OVCH1: variants seen among roughly 807,000 people sequenced by gnomAD.
OVCH1 encodes the protein ovochymase-1.
Under a neutral mutation model 138.4 loss-of-function variants are expected in OVCH1, and 139 were observed. The observed-to-expected ratio is 1.00, with a 90% CI of 0.87 to 1.16. The LOEUF (loss-of-function observed/expected upper bound fraction) is 1.16. Ranked by LOEUF, OVCH1 falls within the 50% of genes most tolerant of loss-of-function variation. The pLI is 0.00. For synonymous variants in OVCH1, 453 were observed against 467.8 expected (o/e 0.97, Z 0.41); for missense variants, 1,367 against 1,357.9 (o/e 1.01, Z -0.11).
At chr12:29,421,484 T>C (rs929256694) in intron 3 of OVCH1, among the ~76,000 whole-genome samples, 2 of 152,184 alleles carry the variant, frequency 1.3e-5, no homozygotes, top group African/African-American at 4.8e-5. Context: ...AATATTAATA[T>C]ATGCATCTTT....
intron 21 of OVCH1, among the ~76,000 whole-genome samples, chr12:29,453,325 G>A (rs1025781438): frequency 2.0e-5 from 3 of 152,000 alleles, no homozygotes; most frequent in South Asian, 2.1e-4. Context: ...AGATTTTAGC[G>A]GTCATTTTCT....
At position 29,428,331 on chromosome 12, in the gene OVCH1, C is replaced by A. The variant is rs571695128; in HGVS notation, c.3328-683G>T. On this transcript the variant is annotated intron_variant, in intron 27 of 27. Transcript: ENST00000318184. ...AGAACAAAGTCCATTTCCTTAGACC[C>A]TCTCCAAAATTACCCAAAGCTCTAC... Among the ~76,000 whole-genome samples, 14 of 152,280 alleles carry A rather than the reference C, an allele frequency of 9.2e-5. No individual in the cohort carries two copies. The South Asian group carries it at 2.9e-3, about 32-fold the overall frequency.
intron 8 of OVCH1, among the ~76,000 whole-genome samples, chr12:29,483,586 G>T (rs1040249156): frequency 1.3e-4 from 20 of 151,982 alleles, no homozygotes; most frequent in African/African-American, 4.1e-4. Context: ...ATTAAGTCCC[G>T]ATCATCCTTT....
intron 25 of OVCH1, among the ~76,000 whole-genome samples, chr12:29,441,483 A>C (rs537806105): frequency 2.0e-4 from 30 of 152,336 alleles, no homozygotes; most frequent in African/African-American, 7.0e-4. Context: ...GATGGATTAA[A>C]GACTTACATG....
intron 19 of OVCH1, among the ~76,000 whole-genome samples, chr12:29,455,648 G>T (rs538327275): frequency 1.3e-5 from 2 of 152,230 alleles, no homozygotes; most frequent in African/African-American, 4.8e-5. Context: ...CACATAAAAA[G>T]AAAACAATTA....
the OVCH1 span, among the ~76,000 whole-genome samples, chr12:29,406,454 T>A: frequency 6.6e-6 from 1 of 152,114 alleles, no homozygotes; most frequent in African/African-American, 2.4e-5. Flanking sequence ...ATGCTATCCC[T>A]CCCCTCCAAC....
intron 19 of OVCH1, among the ~76,000 whole-genome samples, chr12:29,457,040 T>C (rs1192431607): frequency 6.6e-6 from 1 of 152,202 alleles, no homozygotes; most frequent in Non-Finnish European, 1.5e-5. Context: ...AAATATCTAC[T>C]TTATATAAAG....
At chr12:29,405,660 T>C in the OVCH1 span, among the ~76,000 whole-genome samples, 2 of 152,232 alleles carry the variant, frequency 1.3e-5, no homozygotes, top group Non-Finnish European at 2.9e-5. Flanking sequence ...CTATTTTGTA[T>C]GGATTCTTTT....
chr12:29,471,790 A>G lies in OVCH1; in HGVS notation c.1856+12T>C. On this transcript the variant is annotated intron_variant, in intron 16 of 27. Coordinates refer to ENST00000318184, the Ensembl canonical transcript of OVCH1. ...GTGCTAAATAGGTTGGTAAAATACC[A>G]GTTTCACTCACAATTGCACACAGTG... 1 of 1,600,896 alleles carries G rather than the reference A, an allele frequency of 6.2e-7. No individual in the cohort carries two copies. Among genetic ancestry groups the G allele is most frequent in the Non-Finnish European group, 8.5e-7 (1 of 1,173,546 alleles).
At chr12:29,460,632 G>A (rs942931883) in intron 19 of OVCH1, among the ~76,000 whole-genome samples, 1 of 151,814 alleles carries the variant, frequency 6.6e-6, no homozygotes, top group East Asian at 1.9e-4. Context: ...CAGCTCCCTC[G>A]CTCCTCAGAT....
chr12:29,491,137 T>C, exon 5 of OVCH1: 1 of 1,613,812 alleles, frequency 6.2e-7, no homozygotes, highest in East Asian at 2.2e-5. Context: ...AGCAAAGAAT[T>C]CCTGGTTCAA....
intron 18 of OVCH1, 167 bp downstream of exon 18, chr12:29,464,340 T>G: frequency 1.2e-6 from 1 of 815,108 alleles, no homozygotes; most frequent in Non-Finnish European, 2.0e-6. Flanking sequence ...AAGTTTTAAA[T>G]AGCTCATTCT....
chr12:29,487,765 C>T (rs752156710), exon 7 of OVCH1: 2 of 1,607,012 alleles, frequency 1.2e-6, no homozygotes, highest in Non-Finnish European at 8.5e-7. Flanking sequence ...GATGCCTTCA[C>T]ATGGTTGTTT....
At chr12:29,432,316 ATAT>A (rs1189472643) in intron 27 of OVCH1, among the ~76,000 whole-genome samples, 2 of 152,214 alleles carry the variant, frequency 1.3e-5, no homozygotes, top group African/African-American at 4.8e-5. Flanking sequence ...CTGTACCAAA[ATAT>A]TATGGTGGAA....
chr12:29,444,167 T>C (rs778846360), exon 24 of OVCH1: 32 of 1,607,994 alleles, frequency 2.0e-5, no homozygotes, highest in Non-Finnish European at 2.6e-5. Context: ...CTGTGAGAAT[T>C]TCTTGGGATC....
chr12:29,439,188 C>G (rs1344339613), intron 26 of OVCH1: 1 of 621,954 alleles, frequency 1.6e-6, no homozygotes, highest in African/African-American at 1.9e-5. Context: ...CTACAATATG[C>G]CACCCCTAGA....
At position 29,459,499 on chromosome 12, in the gene OVCH1, G is replaced by T. The variant is rs1192240823; in HGVS notation, c.2280+2355C>A. Among the ~76,000 whole-genome samples, 3 of 152,092 alleles carry T rather than the reference G, an allele frequency of 2.0e-5. No individual in the cohort carries two copies. In the South Asian group the frequency reaches 6.2e-4, roughly 32 times the overall value. On this transcript the variant is annotated intron_variant, in intron 19 of 27. Transcript: ENST00000318184. ...TACCAGAGGCTGGGAAGTGTAGTGG[G>T]TGAGTATAGGGGAAGTGGGAATAAT... is the stretch of plus-strand genomic sequence containing the variant.
chr12:29,494,694 T>A (rs1663398236), intron 4 of OVCH1, among the ~76,000 whole-genome samples: 1 of 152,106 alleles, frequency 6.6e-6, no homozygotes, highest in Non-Finnish European at 1.5e-5. Context: ...AACATGGATA[T>A]TAAGTGAAAT....
At chr12:29,487,966 C>T (rs1592112769) in intron 6 of OVCH1, 84 bp from the exon 7 acceptor site, 4 of 1,334,720 alleles carry the variant, frequency 3.0e-6, no homozygotes, top group East Asian at 2.5e-5. Flanking sequence ...CAGCACTCAT[C>T]ACAAAGTGAA....
Sources: allele counts gnomAD v4.1 joint callset (sites outside exome capture counted in the v4.1 genomes callset), GRCh38; gene constraint gnomAD v4.1.1; transcripts MANE v1.5; gene names NCBI Gene and HGNC (gene_info 2026-07-23, HGNC 2026-07-21).